Variants in KIF3B observed in about 807,000 individuals in gnomAD.
The protein encoded by KIF3B is kinesin-like protein KIF3B.
A neutral mutation model predicts 74.3 loss-of-function variants in KIF3B; 38 were observed. That is an observed-to-expected ratio of 0.51 (90% CI 0.39 to 0.67). The LOEUF is 0.67. Ranked by LOEUF, KIF3B falls within the 30% of genes least tolerant of loss-of-function variation. The pLI, the probability that KIF3B is intolerant of heterozygous loss-of-function variation, is 0.00. For synonymous variants in KIF3B, 326 were observed against 342.5 expected, an observed-to-expected ratio of 0.95 and a Z score of 0.53; for missense variants, 649 against 932.0, an observed-to-expected ratio of 0.70 and a Z score of 3.95.
intron 1 of KIF3B, among the ~76,000 whole-genome samples, chr20:32,298,849 G>C (rs2122673421): frequency 6.6e-6 from 1 of 152,174 alleles, no homozygotes; most frequent in East Asian, 1.9e-4. Context: ...GTAGAAATAG[G>C]GTCTTGCTCT....
intron 1 of KIF3B, among the ~76,000 whole-genome samples, chr20:32,304,402 T>A (rs1231233718): frequency 1.3e-5 from 2 of 152,210 alleles, no homozygotes; most frequent in Non-Finnish European, 2.9e-5. Flanking sequence ...GCATATTTTT[T>A]AAAAATTGCA....
intron 1 of KIF3B, among the ~76,000 whole-genome samples, chr20:32,306,927 C>T (rs2047774634): frequency 6.6e-6 from 1 of 151,974 alleles, no homozygotes; most frequent in Middle Eastern, 3.2e-3. Context: ...GTCTCCTGGG[C>T]CCATAGTTCC....
At chr20:32,331,102 C>A in intron 8 of KIF3B, 121 bp from the exon 9 acceptor site, 1 of 755,074 alleles carries the variant, frequency 1.3e-6, no homozygotes, top group Non-Finnish European at 2.3e-6. Flanking sequence ...AGTGGTTTTA[C>A]AGTTGAACTT....
intron 1 of KIF3B, among the ~76,000 whole-genome samples, chr20:32,290,473 T>C (rs1194387334): frequency 6.6e-6 from 1 of 152,222 alleles, no homozygotes; most frequent in Non-Finnish European, 1.5e-5. Context: ...TACCTCTGCC[T>C]GTTAAATACA....
At chr20:32,305,647 A>G (rs2047766750) in intron 1 of KIF3B, among the ~76,000 whole-genome samples, 1 of 145,898 alleles carries the variant, frequency 6.9e-6, no homozygotes, top group Non-Finnish European at 1.5e-5. Context: ...CAATGGCACA[A>G]TCTTGGCTCA....
intron 1 of KIF3B, among the ~76,000 whole-genome samples, chr20:32,298,677 T>TCCCCC (rs2047727744): frequency 7.3e-6 from 1 of 137,886 alleles, no homozygotes; most frequent in Admixed American, 7.3e-5. Flanking sequence ...TCCCCTCCCC[T>TCCCCC]CTCTTCCCCT....
chr20:32,300,870 T>C (rs1467675187), intron 1 of KIF3B, among the ~76,000 whole-genome samples: 11 of 151,328 alleles, frequency 7.3e-5, no homozygotes, highest in Non-Finnish European at 1.5e-5. Context: ...GTTGTTGTTG[T>C]TTATTTTTAC....
At chr20:32,317,392 A>G (rs1452487963) in intron 5 of KIF3B, among the ~76,000 whole-genome samples, 2 of 151,942 alleles carry the variant, frequency 1.3e-5, no homozygotes, top group Non-Finnish European at 2.9e-5. Context: ...TTCTAACCCT[A>G]CCTTCTCGAA....
At chr20:32,322,934 TTA>T (rs374326215) in intron 5 of KIF3B, among the ~76,000 whole-genome samples, 8 of 42,024 alleles carry the variant, frequency 1.9e-4, no homozygotes, top group South Asian at 7.9e-4. Context: ...ATATACATAT[TTA>T]TATATATACA....
chr20:32,316,878 A>G lies in KIF3B; in HGVS notation c.1748+4A>G, dbSNP rs1447064591. The G allele has an allele frequency of 3.1e-6, 5 of 1,599,574 alleles. No individual in the cohort carries two copies. Among genetic ancestry groups the G allele is most frequent in the Non-Finnish European group, 4.3e-6 (5 of 1,167,028 alleles). ...TCACCAGGGAGCTGAAACTCAAGTA[A>G]GTGCCAGGCCTTCCATAGTGCCCCC... On this transcript the variant is annotated splice_donor_region_variant and intron_variant, in intron 5 of 8. Coordinates refer to ENST00000375712, the MANE Select transcript of KIF3B (RefSeq NM_004798.4).
intron 1 of KIF3B, among the ~76,000 whole-genome samples, chr20:32,293,979 C>G (rs2047705036): frequency 6.6e-6 from 1 of 152,138 alleles, no homozygotes; most frequent in Non-Finnish European, 1.5e-5. Flanking sequence ...ATTAATTTCC[C>G]TGAGTCTCTG....
chr20:32,319,919 G>C (rs923091740), intron 5 of KIF3B, among the ~76,000 whole-genome samples: 8 of 151,222 alleles, frequency 5.3e-5, no homozygotes, highest in African/African-American at 1.9e-4. Context: ...TTTTGAGACA[G>C]AGTCTGGGTC....
intron 2 of KIF3B, among the ~76,000 whole-genome samples, chr20:32,315,238 C>T (rs776283140): frequency 5.9e-5 from 9 of 152,218 alleles, no homozygotes; most frequent in Non-Finnish European, 1.3e-4. Flanking sequence ...GTTCCCCGAA[C>T]TTCTCAGGAT....
chr20:32,284,795 G>C (rs1317462781), intron 1 of KIF3B, among the ~76,000 whole-genome samples: 1 of 152,198 alleles, frequency 6.6e-6, no homozygotes, highest in Non-Finnish European at 1.5e-5. Flanking sequence ...CAATGATAAT[G>C]ACAATGAAGG....
chr20:32,307,108 G>A (rs1173150987), intron 1 of KIF3B, among the ~76,000 whole-genome samples: 3 of 152,084 alleles, frequency 2.0e-5, no homozygotes, highest in Admixed American at 2.0e-4. Flanking sequence ...TAAGCGGAAG[G>A]TACACAGATT....
Position 32,302,203 on chromosome 20 carries a change from G to T in KIF3B, c.-65-7510G>T, listed in dbSNP as rs556786856. Among the ~76,000 whole-genome samples the T allele has an allele frequency of 6.4e-4, 97 of 152,334 alleles. 3 individuals are homozygous for T. The highest frequency in any genetic ancestry group is 6.1e-3 in the Admixed American group (94 of 15,302). Reference sequence around the variant, plus strand: ...CAAGAAAACTCTCTCCTTTGAGGAAGACCCAGAATAAGATTTTAAGCCTTG... The same window carrying T: ...CAAGAAAACTCTCTCCTTTGAGGAATACCCAGAATAAGATTTTAAGCCTTG... On this transcript the variant is annotated intron_variant, in intron 1 of 8. Coordinates refer to ENST00000375712, the MANE Select transcript of KIF3B (RefSeq NM_004798.4).
At position 32,332,166 on chromosome 20, in the gene KIF3B, G is replaced by T. The variant is rs1014482794; in HGVS notation, c.*847G>T. 2.0e-5 allele frequency: 3 copies of T among 152,818 alleles called. No individual in the cohort carries two copies. Among genetic ancestry groups the T allele is most frequent in the Middle Eastern group, 6.8e-3 (2 of 296 alleles). 9.5% of individuals were successfully genotyped at this position (152,818 alleles called of 1,614,324 possible). A position where few individuals can be genotyped will look rare whatever the true frequency, so the allele number is the denominator to read the frequency against. On this transcript the variant is annotated 3_prime_UTR_variant, in exon 9 of 9. Coordinates refer to ENST00000375712, the MANE Select transcript of KIF3B (RefSeq NM_004798.4). ...ATGCACGCATACTCTGAACATCCTT[G>T]TGTGGGCCCATCCTCTGCATCCAGA...
intron 5 of KIF3B, among the ~76,000 whole-genome samples, chr20:32,323,055 T>TATATAC (rs2047880532): frequency 1.0e-5 from 1 of 95,302 alleles, no homozygotes. Context: ...TATATATATT[T>TATATAC]ATATTTATAT....
chr20:32,291,180 T>C lies in KIF3B; in HGVS notation c.-66+13415T>C, dbSNP rs921675987. On this transcript the variant is annotated intron_variant, in intron 1 of 8. Transcript: ENST00000375712. ...ATGAAAAAGTTCTAGAAATGTGTTA[T>C]ACAACAATGTGAATATAGTTAACAC... is the stretch of plus-strand genomic sequence containing the variant. 2.0e-5 allele frequency among the ~76,000 whole-genome samples: 3 copies of C among 152,198 alleles called. No homozygotes were observed. In the South Asian group the frequency reaches 6.2e-4, roughly 31 times the overall value.
Sources: gnomAD v4.1 joint callset for allele counts (sites outside exome capture counted in the v4.1 genomes callset) on GRCh38, gnomAD v4.1.1 for gene constraint, MANE v1.5 for transcripts, NCBI Gene and HGNC (gene_info 2026-07-23, HGNC 2026-07-21) for gene names.